Variants in RBMS3 observed in about 807,000 individuals in gnomAD.
The protein encoded by RBMS3 is RNA-binding motif, single-stranded-interacting protein 3.
RBMS3 carries 27 observed loss-of-function variants against 66.8 expected under a neutral mutation model. The ratio of observed to expected loss-of-function variants is 0.40; its 90% CI spans 0.30 to 0.56. The LOEUF (loss-of-function observed/expected upper bound fraction) is 0.56, where lower values mean the gene tolerates loss of function less well. Ranked by LOEUF, RBMS3 falls within the 20% of genes least tolerant of loss-of-function variation. The pLI is 0.40. For synonymous variants in RBMS3, 188 were observed against 183.0 expected, an observed-to-expected ratio of 1.03 and a Z score of -0.22; for missense variants, 513 against 549.5, an observed-to-expected ratio of 0.93 and a Z score of 0.66.
chr3:29,833,932 A>G (rs2058438140), intron 6 of RBMS3, among the ~76,000 whole-genome samples: 1 of 151,834 alleles, frequency 6.6e-6, no homozygotes, highest in South Asian at 2.1e-4. Flanking sequence ...AAGCGCCAAG[A>G]AAAAAAACAT....
At chr3:29,889,684 G>A (rs2059953627) in intron 8 of RBMS3, among the ~76,000 whole-genome samples, 2 of 151,568 alleles carry the variant, frequency 1.3e-5, no homozygotes, top group South Asian at 4.1e-4. Context: ...TTTTTATTGT[G>A]TACTTCTTGA....
At chr3:29,813,877 T>G (rs944030378) in intron 6 of RBMS3, among the ~76,000 whole-genome samples, 2 of 152,228 alleles carry the variant, frequency 1.3e-5, no homozygotes, top group South Asian at 4.1e-4. Context: ...AAGGAGATTT[T>G]GGGCTGAGAC....
intron 5 of RBMS3, among the ~76,000 whole-genome samples, chr3:29,744,685 G>A (rs2054798754): frequency 6.6e-6 from 1 of 151,914 alleles, no homozygotes; most frequent in African/African-American, 2.4e-5. Flanking sequence ...TCGGGAGGCT[G>A]AGGCATGAGA....
chr3:29,583,508 A>G (rs538870097), intron 3 of RBMS3, among the ~76,000 whole-genome samples: 2 of 152,296 alleles, frequency 1.3e-5, no homozygotes, highest in East Asian at 1.9e-4. Context: ...ACAAATATTT[A>G]TTAAGCATAG....
intron 1 of RBMS3, among the ~76,000 whole-genome samples, chr3:29,283,900 G>C (rs1006067623): frequency 3.1e-4 from 47 of 152,240 alleles, no homozygotes; most frequent in Admixed American, 2.6e-4. Flanking sequence ...CTTGCATAGA[G>C]AGGAAATGAG....
intron 4 of RBMS3, among the ~76,000 whole-genome samples, chr3:29,723,899 G>A (rs1440526): frequency 0.23 from 34,606 of 151,818 alleles, 4,253 homozygotes; most frequent in South Asian, 0.3. Flanking sequence ...CTGAATAATA[G>A]CATTTATTTT....
chr3:29,699,426 C>T (rs546179540), intron 4 of RBMS3, among the ~76,000 whole-genome samples: 39 of 152,216 alleles, frequency 2.6e-4, no homozygotes, highest in African/African-American at 7.7e-4. Flanking sequence ...GTATTACAGG[C>T]GTGAGCCACC....
intron 7 of RBMS3, among the ~76,000 whole-genome samples, chr3:29,882,577 A>T (rs551466236): frequency 1.3e-5 from 2 of 152,074 alleles, no homozygotes; most frequent in East Asian, 3.9e-4. Context: ...ATGTGACTCT[A>T]CACTTTTGTT....
intron 6 of RBMS3, among the ~76,000 whole-genome samples, chr3:29,834,022 CACAGGGTAG>C (rs2058440592): frequency 6.6e-6 from 1 of 152,020 alleles, no homozygotes; most frequent in Non-Finnish European, 1.5e-5. Context: ...TGCAGGCCAG[CACAGGGTAG>C]AATGATGTAG....
chr3:29,687,594 G>T (rs2149268540), intron 4 of RBMS3, among the ~76,000 whole-genome samples: 1 of 152,306 alleles, frequency 6.6e-6, no homozygotes, highest in Admixed American at 6.5e-5. Context: ...TTTGAGAAAT[G>T]AATGATAAAT....
intron 4 of RBMS3, among the ~76,000 whole-genome samples, chr3:29,676,517 T>G (rs376056862): frequency 1.3e-5 from 2 of 152,226 alleles, no homozygotes; most frequent in South Asian, 4.1e-4. Context: ...ATATTACTGC[T>G]TCTACATTCA....
chr3:29,442,239 A>G (rs1401058706), intron 2 of RBMS3, among the ~76,000 whole-genome samples: 1 of 152,166 alleles, frequency 6.6e-6, no homozygotes, highest in Non-Finnish European at 1.5e-5. Flanking sequence ...AGTTTAGTGA[A>G]CAAAAGTCCA....
At chr3:29,429,576 T>C (rs2041101350) in intron 1 of RBMS3, among the ~76,000 whole-genome samples, 1 of 152,198 alleles carries the variant, frequency 6.6e-6, no homozygotes, top group Admixed American at 6.5e-5. Flanking sequence ...CTTCTGAATG[T>C]GCCATTTCCA....
chr3:29,994,097 C>T (rs1027307609), intron 14 of RBMS3, among the ~76,000 whole-genome samples: 16 of 152,256 alleles, frequency 1.1e-4, no homozygotes, highest in Admixed American at 2.6e-4. Flanking sequence ...CGAAGCAGGG[C>T]GAGGCATTGC....
At chr3:29,378,437 A>G (rs1314226828) in intron 1 of RBMS3, among the ~76,000 whole-genome samples, 2 of 151,584 alleles carry the variant, frequency 1.3e-5, no homozygotes, top group Admixed American at 6.6e-5. Context: ...GCGCCACGGC[A>G]TTGCAGCCTG....
chr3:29,948,997 G>T (rs931328409), intron 12 of RBMS3, among the ~76,000 whole-genome samples: 1 of 151,642 alleles, frequency 6.6e-6, no homozygotes, highest in Non-Finnish European at 1.5e-5. Flanking sequence ...TGATATGTGC[G>T]CAAGTATTTG....
intron 4 of RBMS3, among the ~76,000 whole-genome samples, chr3:29,598,417 G>A (rs1301190531): frequency 6.6e-6 from 1 of 152,060 alleles, no homozygotes; most frequent in East Asian, 1.9e-4. Context: ...ATAGGCAACG[G>A]ATTTCCAGAA....
chr3:29,399,538 G>GGA (rs1352934820), intron 1 of RBMS3, among the ~76,000 whole-genome samples: 1 of 152,146 alleles, frequency 6.6e-6, no homozygotes, highest in Non-Finnish European at 1.5e-5. Flanking sequence ...AAACATCCAT[G>GGA]GCACTTCGGC....
intron 1 of RBMS3, among the ~76,000 whole-genome samples, chr3:29,282,840 T>C (rs965265507): frequency 2.0e-5 from 3 of 152,162 alleles, no homozygotes; most frequent in African/African-American, 7.2e-5. Context: ...TAGTTATCTG[T>C]CATTTATTTT....
Sources: gnomAD v4.1 joint callset for allele counts (sites outside exome capture counted in the v4.1 genomes callset) on GRCh38, gnomAD v4.1.1 for gene constraint, MANE v1.5 for transcripts, NCBI Gene and HGNC (gene_info 2026-07-23, HGNC 2026-07-21) for gene names.